Variants in NDUFAF7 observed in about 807,000 individuals in gnomAD.
NDUFAF7 encodes the protein protein arginine methyltransferase NDUFAF7, mitochondrial.
In NDUFAF7, 48 loss-of-function variants were observed where a neutral mutation model predicts 47.2. The ratio of observed to expected loss-of-function variants is 1.02; its 90% confidence interval spans 0.81 to 1.29. The LOEUF (loss-of-function observed/expected upper bound fraction) is 1.29. Ranked by LOEUF, NDUFAF7 falls within the 50% of genes most tolerant of loss-of-function variation. The probability of loss-of-function intolerance (pLI) is 0.00; values close to 1 mark genes in which losing one functional copy is unlikely to be tolerated. For synonymous variants in NDUFAF7, 217 were observed against 190.0 expected, an observed-to-expected ratio of 1.14 and a Z score of -1.17; for missense variants, 635 against 537.6, an observed-to-expected ratio of 1.18 and a Z score of -1.79.
At chr2:37,258,100 A>C (rs549829574), downstream of NDUFAF7, among the ~76,000 whole-genome samples, 16 of 152,310 alleles carry the variant, frequency 1.1e-4, no homozygotes, top group Admixed American at 2.0e-4. Flanking sequence ...TTCTGGAGGA[A>C]ATGCTCTGAC....
chr2:37,251,029 A>C (rs1163478738), downstream of NDUFAF7: 1 of 152,658 alleles, frequency 6.6e-6, no homozygotes, highest in African/African-American at 2.4e-5. Flanking sequence ...TGACTATGTA[A>C]GTATAGCAAA....
the NDUFAF7 span, among the ~76,000 whole-genome samples, chr2:37,261,711 C>G: frequency 3.9e-5 from 6 of 152,028 alleles, no homozygotes; most frequent in African/African-American, 7.2e-5. Context: ...ACCTGGGAGG[C>G]AGAGGTTGCG....
At chr2:37,242,204 T>TAGGATTTTCTG (rs1340172746) in intron 5 of NDUFAF7, 1 of 260,062 alleles carries the variant, frequency 3.8e-6, no homozygotes, top group Admixed American at 5.1e-5. Flanking sequence ...AAAATCCCTG[T>TAGGATTTTCTG]ACTAGTCAGG....
the NDUFAF7 span, chr2:37,259,664 C>A: frequency 6.2e-7 from 1 of 1,611,330 alleles, no homozygotes; most frequent in Non-Finnish European, 8.5e-7. Flanking sequence ...AATGCAGATT[C>A]CTCAAAGCAA....
At chr2:37,237,631 CAT>C in intron 3 of NDUFAF7, 124 bp from the exon 4 acceptor site, 1 of 701,980 alleles carries the variant, frequency 1.4e-6, no homozygotes, top group Non-Finnish European at 2.5e-6. Flanking sequence ...TATTGAACAA[CAT>C]ACATATGGCT....
At chr2:37,256,586 T>C (rs536296020), downstream of NDUFAF7, 2 of 1,411,124 alleles carry the variant, frequency 1.4e-6, no homozygotes, top group Non-Finnish European at 1.9e-6. Context: ...ACAGACTGAT[T>C]TGGGATGAGA....
chr2:37,267,350 A>G, the NDUFAF7 span: 2 of 1,020,838 alleles, frequency 2.0e-6, no homozygotes, highest in Non-Finnish European at 1.4e-6. Flanking sequence ...CCTTCTTAAA[A>G]AAAAAAAAAA....
chr2:37,256,775 T>TAG (rs752913764), downstream of NDUFAF7: 1 of 1,613,678 alleles, frequency 6.2e-7, no homozygotes, highest in Admixed American at 1.7e-5. Context: ...GAGGCTCACA[T>TAG]AGATGATAAC....
At chr2:37,237,734 G>GTT (rs368987177) in intron 3 of NDUFAF7, 23 bp from the exon 4 acceptor site, 43 of 1,304,810 alleles carry the variant, frequency 3.3e-5, no homozygotes, top group African/African-American at 4.5e-5. Context: ...TTTAATATGT[G>GTT]TTTTTTTTTT....
the NDUFAF7 span, among the ~76,000 whole-genome samples, chr2:37,264,642 C>G: frequency 2.5e-4 from 38 of 151,984 alleles, no homozygotes; most frequent in Non-Finnish European, 4.4e-4. Flanking sequence ...AGGGAGAAAG[C>G]ATTCCAGGCA....
intron 8 of NDUFAF7, among the ~76,000 whole-genome samples, chr2:37,246,588 T>G (rs1454992122): frequency 1.3e-5 from 2 of 152,258 alleles, no homozygotes; most frequent in Non-Finnish European, 2.9e-5. Context: ...TAGCTTTTTC[T>G]ATCATATTTT....
chr2:37,256,612 A>C (rs1439161592), downstream of NDUFAF7: 9 of 1,462,996 alleles, frequency 6.2e-6, no homozygotes, highest in Non-Finnish European at 7.2e-6. Context: ...GTTTAGGCTT[A>C]AAACACATAG....
At chr2:37,257,548 C>G (rs990232215), downstream of NDUFAF7, among the ~76,000 whole-genome samples, 1 of 151,614 alleles carries the variant, frequency 6.6e-6, no homozygotes, top group Non-Finnish European at 1.5e-5. Context: ...TGCCTGTAGT[C>G]CCAGCTACTT....
chr2:37,236,057 A>C, intron 2 of NDUFAF7, 39 bp from the exon 3 acceptor site: 1 of 1,512,884 alleles, frequency 6.6e-7, no homozygotes, highest in South Asian at 1.1e-5. Context: ...GGCTTATTTG[A>C]AAATTAATTT....
In NDUFAF7 at chr2:37,248,279, C is replaced by G; in HGVS notation, c.1255C>G (p.Gln419Glu). Residue 419 changes from glutamine (Q) to glutamate (E), a missense_variant, in exon 10 of 10, where the codon CAG (glutamine) becomes GAG (glutamate). Physicochemically the swap from Gln to Glu is conservative, Grantham distance 29 (BLOSUM62 2). Transcript: ENST00000002125. The part of the protein sequence containing the change: ...PHQRLQGGRY[Q>E]RNARQSKPFA... The stretch of plus-strand genomic sequence containing the variant: ...TCAGAGACTTCAAGGTGGAAGATAT[C>G]AGAGGAATGCACGTCAGTCAAAACC... 1 of 1,614,062 alleles carries G rather than the reference C, an allele frequency of 6.2e-7. No homozygotes were observed. The highest frequency in any genetic ancestry group is 8.5e-7 in the Non-Finnish European group (1 of 1,179,984).
chr2:37,247,322 G>C (rs1431603214), intron 8 of NDUFAF7, 134 bp from the exon 9 acceptor site: 7 of 1,086,388 alleles, frequency 6.4e-6, no homozygotes, highest in South Asian at 1.4e-5. Flanking sequence ...GGTGTTCCCT[G>C]CCTAGAGAAT....
chr2:37,235,633 C>T (rs1246048310), intron 2 of NDUFAF7, among the ~76,000 whole-genome samples: 3 of 122,026 alleles, frequency 2.5e-5, no homozygotes, highest in Non-Finnish European at 3.3e-5. Context: ...CACCATATTT[C>T]CCTTGCTTAT....
At chr2:37,255,636 C>G (rs1009144262), downstream of NDUFAF7, among the ~76,000 whole-genome samples, 1 of 152,114 alleles carries the variant, frequency 6.6e-6, no homozygotes, top group African/African-American at 2.4e-5. Flanking sequence ...GGAACCGGAG[C>G]TAGGTATTCA....
At chr2:37,252,074 C>T (rs965469295), downstream of NDUFAF7, 5 of 152,008 alleles carry the variant, frequency 3.3e-5, no homozygotes, top group Non-Finnish European at 7.4e-5. Context: ...TAATACAGCC[C>T]CAGCCTTATA....
Sources: allele counts gnomAD v4.1 joint callset (sites outside exome capture counted in the v4.1 genomes callset), GRCh38; gene constraint gnomAD v4.1.1; transcripts MANE v1.5; gene names NCBI Gene and HGNC (gene_info 2026-07-23, HGNC 2026-07-21).